UBE2E2: variants seen among roughly 807,000 people sequenced by gnomAD.
UBE2E2 encodes the protein ubiquitin conjugating enzyme E2 E2.
In UBE2E2, 6 loss-of-function variants were observed where a neutral mutation model predicts 24.7. That is an observed-to-expected ratio of 0.24 (90% CI 0.13 to 0.48). UBE2E2 has a LOEUF of 0.48. UBE2E2 is among the 20% of genes least tolerant of loss of function. The pLI is 0.99. For missense variants in UBE2E2, 169 were observed against 245.0 expected (o/e 0.69, Z 2.07); for synonymous variants, 104 against 83.6 (o/e 1.24, Z -1.33).
intron 3 of UBE2E2, among the ~76,000 whole-genome samples, chr3:23,229,949 A>C (rs932794713): frequency 5.9e-5 from 9 of 152,210 alleles, no homozygotes; most frequent in Non-Finnish European, 1.3e-4. Context: ...GCTTAAACTT[A>C]TGTTTATATT....
At chr3:23,373,689 C>G (rs908181945) in intron 3 of UBE2E2, among the ~76,000 whole-genome samples, 2 of 152,088 alleles carry the variant, frequency 1.3e-5, no homozygotes, top group South Asian at 4.1e-4. Flanking sequence ...TTATAATAGT[C>G]TACTCTTATG....
intron 3 of UBE2E2, among the ~76,000 whole-genome samples, chr3:23,248,315 ATAT>A (rs533358136): frequency 3.8e-4 from 58 of 152,320 alleles, no homozygotes; most frequent in African/African-American, 1.2e-3. Context: ...ACACCTTCTC[ATAT>A]GTAGGAGAGG....
chr3:23,291,849 A>AT (rs57708620), intron 3 of UBE2E2, among the ~76,000 whole-genome samples: 8,344 of 63,614 alleles, frequency 0.13, 1,717 homozygotes, highest in African/African-American at 0.25. Context: ...TGCCCGGCTA[A>AT]TTTTTTTTTT....
At chr3:23,416,223 T>C (rs1697627472) in intron 3 of UBE2E2, among the ~76,000 whole-genome samples, 2 of 152,220 alleles carry the variant, frequency 1.3e-5, no homozygotes, top group African/African-American at 4.8e-5. Context: ...ATGTGTCTTA[T>C]AGTAGAATGA....
At chr3:23,393,026 T>C (rs1346344492) in intron 3 of UBE2E2, among the ~76,000 whole-genome samples, 1 of 152,130 alleles carries the variant, frequency 6.6e-6, no homozygotes, top group Non-Finnish European at 1.5e-5. Context: ...TTGGGAAGCC[T>C]GTGAAGGAAG....
intron 3 of UBE2E2, among the ~76,000 whole-genome samples, chr3:23,454,820 G>A (rs758134178): frequency 6.6e-6 from 1 of 152,180 alleles, no homozygotes; most frequent in South Asian, 2.1e-4. Context: ...GTAAAGTGTT[G>A]TACAGTGTAC....
At position 23,352,885 on chromosome 3, in the gene UBE2E2, A is replaced by G. The variant is rs372018929; in HGVS notation, c.227+135573A>G. On this transcript the variant is annotated intron_variant, in intron 3 of 5. Coordinates refer to ENST00000396703, the MANE Select transcript of UBE2E2 (RefSeq NM_152653.4). ...GGGAATCCTCCCTAACTCATTTTAT[A>G]AGGCCAGCATCATCCTGATACCAAA... is the stretch of plus-strand genomic sequence containing the variant. Among the ~76,000 whole-genome samples the G allele has an allele frequency of 1.8e-4, 28 of 152,304 alleles. 2 individuals carry two copies. In the East Asian group the frequency reaches 2.7e-3, roughly 15 times the overall value.
chr3:23,589,840 T>G lies in UBE2E2; in HGVS notation c.*9T>G, dbSNP rs772497815. On this transcript the variant is annotated 3_prime_UTR_variant, in exon 6 of 6. Transcript: ENST00000396703. This position sits in a 1 kb window ranked among gnomAD's most constrained non-coding sequence, Gnocchi z 4.1. ...AGCGGTACGCCACATAGGGGCCTGC[T>G]GCCTGCCGCCCCGCGGGACCTGTGC... is the stretch of plus-strand genomic sequence containing the variant. 1 of 1,614,040 alleles carries G rather than the reference T, an allele frequency of 6.2e-7. No homozygotes were observed.
chr3:23,517,291 C>T (rs1205979622), intron 4 of UBE2E2, among the ~76,000 whole-genome samples: 1 of 152,130 alleles, frequency 6.6e-6, no homozygotes, highest in African/African-American at 2.4e-5. Context: ...ATATTTAAGA[C>T]TTATAATCTC....
chr3:23,459,591 G>A (rs1040095454), intron 3 of UBE2E2, among the ~76,000 whole-genome samples: 54 of 152,168 alleles, frequency 3.5e-4, no homozygotes, highest in African/African-American at 1.2e-3. Flanking sequence ...TTGAACAGTA[G>A]GAGGGCTATA....
chr3:23,532,680 C>G lies in UBE2E2; in HGVS notation c.487C>G (p.Leu163Val). 6.5e-7 allele frequency: 1 copy of G among 1,547,948 alleles called. No individual in the cohort carries two copies. The highest frequency in any genetic ancestry group is 8.8e-7 in the Non-Finnish European group (1 of 1,134,440). Residue 163 changes from leucine (L) to valine (V), a missense_variant, in exon 5 of 6, where the codon CTT becomes GTT. Transcript: ENST00000396703. ...ISKVLLSICS[L>V]LTDCNPADPL... ...TAAAGTTCTCCTCTCCATCTGCTCA[C>G]TTCTTACAGATTGCAACCCTGGTAA...
At chr3:23,261,334 TG>T (rs1697896748) in intron 3 of UBE2E2, among the ~76,000 whole-genome samples, 2 of 152,218 alleles carry the variant, frequency 1.3e-5, no homozygotes, top group South Asian at 4.2e-4. Context: ...GAGGTATAAT[TG>T]ACAATAAAAT....
chr3:23,432,333 G>A (rs1161547743), intron 3 of UBE2E2, among the ~76,000 whole-genome samples: 3 of 151,878 alleles, frequency 2.0e-5, no homozygotes, highest in East Asian at 1.9e-4. Context: ...AGGATTCTTC[G>A]TTCATAATTG....
chr3:23,461,456 T>C (rs1326249458), intron 3 of UBE2E2, among the ~76,000 whole-genome samples: 1 of 152,008 alleles, frequency 6.6e-6, no homozygotes, highest in African/African-American at 2.4e-5. Flanking sequence ...TCTTGACTCA[T>C]ACATATTTGA....
Position 23,589,697 on chromosome 3 carries a change from T to G in UBE2E2, c.509-37T>G. The G allele has an allele frequency of 6.2e-7, 1 of 1,606,686 alleles. No individual in the cohort carries two copies. The highest frequency in any genetic ancestry group is 8.5e-7 in the Non-Finnish European group (1 of 1,173,738). The stretch of plus-strand genomic sequence containing the variant: ...CTGAACACTTCTTCCCCCACAGTGC[T>G]GGTATTTACTGACTCCCAACTCTGC... On this transcript the variant is annotated intron_variant, in intron 5 of 5. Transcript: ENST00000396703. The surrounding 1 kb of genome is among the most constrained non-coding windows in gnomAD (Gnocchi z 4.1).
chr3:23,402,058 T>A (rs765874554), intron 3 of UBE2E2, among the ~76,000 whole-genome samples: 1 of 151,990 alleles, frequency 6.6e-6, no homozygotes, highest in Non-Finnish European at 1.5e-5. Context: ...GGTTTCACCA[T>A]GTTGGCCAGG....
Position 23,358,795 on chromosome 3 carries a change from G to A in UBE2E2, c.228-140813G>A, listed in dbSNP as rs1696036100. ...ATGTGCTTTAAGTTATTGTGCCATT[G>A]TGCATGAACTAACATGGGTTGTTGA... is the stretch of plus-strand genomic sequence containing the variant. On this transcript the variant is annotated intron_variant, in intron 3 of 5. Transcript: ENST00000396703. Among the ~76,000 whole-genome samples the A allele has an allele frequency of 3.3e-5, 5 of 152,316 alleles. No individual in the cohort carries two copies. In the South Asian group the frequency reaches 1.0e-3, roughly 32 times the overall value.
intron 3 of UBE2E2, among the ~76,000 whole-genome samples, chr3:23,232,280 C>T (rs185149281): frequency 2.6e-5 from 4 of 152,270 alleles, no homozygotes; most frequent in Admixed American, 1.3e-4. Flanking sequence ...GCCAGGAAAA[C>T]GGGGTTGAAG....
chr3:23,438,559 T>C (rs1698232889), intron 3 of UBE2E2, among the ~76,000 whole-genome samples: 1 of 152,224 alleles, frequency 6.6e-6, no homozygotes, highest in African/African-American at 2.4e-5. Flanking sequence ...TGAGCTTTTA[T>C]TAGTTGGTCC....
Sources: gnomAD v4.1 joint callset for allele counts (sites outside exome capture counted in the v4.1 genomes callset) on GRCh38, gnomAD v4.1.1 for gene constraint, Gnocchi (gnomAD v3.1) non-coding constraint, MANE v1.5 for transcripts, NCBI Gene and HGNC (gene_info 2026-07-23, HGNC 2026-07-21) for gene names.